The following ZNF557 variants were observed in gnomAD, a reference collection of about 807,000 sequenced individuals.
ZNF557 encodes zinc finger protein 557.
In ZNF557, 19 loss-of-function variants were observed where a neutral mutation model predicts 21.2. The ratio of observed to expected loss-of-function variants is 0.90; its 90% CI spans 0.63 to 1.32. The LOEUF is 1.32. ZNF557 is among the 40% of genes most tolerant of loss of function. The pLI is 0.00. For synonymous variants in ZNF557, 207 were observed against 194.8 expected (o/e 1.06, Z -0.52); for missense variants, 487 against 519.8 (o/e 0.94, Z 0.61).
intron 7 of ZNF557, 61 bp from the exon 8 acceptor site, chr19:7,082,817 T>G: frequency 6.7e-7 from 1 of 1,484,120 alleles, no homozygotes. Flanking sequence ...GAAATTCCTC[T>G]GACAGCATTC....
chr19:7,081,146 GT>G (rs1396506338), intron 5 of ZNF557, among the ~76,000 whole-genome samples: 3 of 143,622 alleles, frequency 2.1e-5, no homozygotes, highest in Non-Finnish European at 3.0e-5. Flanking sequence ...GATATTGCTT[GT>G]GGGGTGTGTG....
chr19:7,080,522 A>C (rs1284059907), intron 5 of ZNF557, among the ~76,000 whole-genome samples: 1 of 152,086 alleles, frequency 6.6e-6, no homozygotes, highest in African/African-American at 2.4e-5. Flanking sequence ...GAGAGTTTGG[A>C]GTTACACAAA....
rs1977590427 is a variant in ZNF557, at chr19:7,076,521, C to G, written c.247+14C>G. 1 of 1,607,272 alleles carries G rather than the reference C, an allele frequency of 6.2e-7. No homozygotes were observed. On this transcript the variant is annotated intron_variant, in intron 5 of 7. Coordinates refer to ENST00000252840, the MANE Select transcript of ZNF557 (RefSeq NM_024341.3). ...TGGCCTCACTGGGTAAGCCTAATGTCATTCCTGCATTTATTTAATGACTCA... is the reference window on the plus strand; with the variant it reads ...TGGCCTCACTGGGTAAGCCTAATGTGATTCCTGCATTTATTTAATGACTCA...
intron 7 of ZNF557, 112 bp from the exon 8 acceptor site, chr19:7,082,766 T>C (rs1977739273): frequency 8.9e-7 from 1 of 1,126,028 alleles, no homozygotes; most frequent in South Asian, 1.8e-5. Flanking sequence ...GCAAAAACAT[T>C]AATTCCAATA....
chr19:7,087,875 T>C lies in ZNF557; in HGVS notation c.*4131T>C, dbSNP rs893576326. 5.0e-5 allele frequency: 6 copies of C among 119,962 alleles called. No individual in the cohort carries two copies. The highest frequency in any genetic ancestry group is 2.7e-4 in the South Asian group (1 of 3,730). 7.4% of individuals were successfully genotyped at this position (119,962 alleles called of 1,614,324 possible). ...ACAGGATGGACATACGTACTCAAACTGTGTTTTTCAATTTGTACTGTATTT... is the reference window on the plus strand; with the variant it reads ...ACAGGATGGACATACGTACTCAAACCGTGTTTTTCAATTTGTACTGTATTT... On this transcript the variant is annotated 3_prime_UTR_variant, in exon 8 of 8. Transcript: ENST00000252840.
Position 7,075,691 on chromosome 19 carries a change from GAC to G in ZNF557, c.74_75del (p.Thr25ArgfsTer7). 2 of 1,613,770 alleles carry G rather than the reference GAC, an allele frequency of 1.2e-6. No homozygotes were observed. The highest frequency in any genetic ancestry group is 1.7e-6 in the Non-Finnish European group (2 of 1,179,740). ...CTGTTCCCAGCCTCTCAGCGAGAAG[GAC>G]ACACAGAGGGCGGAGAGCTGGTTAA... On this transcript the variant is annotated frameshift_variant, in exon 4 of 8. Coordinates refer to ENST00000252840, the MANE Select transcript of ZNF557 (RefSeq NM_024341.3). LOFTEE classifies it high-confidence loss of function.
chr19:7,071,414 CAT>C (rs1176651312), intron 2 of ZNF557, among the ~76,000 whole-genome samples: 2 of 152,288 alleles, frequency 1.3e-5, no homozygotes, highest in Non-Finnish European at 2.9e-5. Context: ...TTGACAGCGA[CAT>C]GTGGTTAATG....
intron 2 of ZNF557, among the ~76,000 whole-genome samples, chr19:7,073,260 C>T (rs1296125014): frequency 1.3e-5 from 2 of 150,156 alleles, no homozygotes; most frequent in African/African-American, 4.9e-5. Context: ...AAGCGATTCT[C>T]CTGCCTCATC....
intron 4 of ZNF557, among the ~76,000 whole-genome samples, 182 bp from the exon 5 acceptor site, chr19:7,076,199 G>A (rs1320846170): frequency 6.6e-6 from 1 of 152,148 alleles, no homozygotes; most frequent in South Asian, 2.1e-4. Flanking sequence ...AAGGAGACAA[G>A]CATTGAGGGC....
Position 7,087,461 on chromosome 19 carries a change from A to T in ZNF557, c.*3717A>T, listed in dbSNP as rs987646859. ...AGGCTGAGGCAGGAGAATTGCTTCA[A>T]ACTGGGCAGAGGTTGCAGTGAGCCA... is the stretch of plus-strand genomic sequence containing the variant. On this transcript the variant is annotated 3_prime_UTR_variant, in exon 8 of 8. Coordinates refer to ENST00000252840, the MANE Select transcript of ZNF557 (RefSeq NM_024341.3). The T allele has an allele frequency of 6.6e-6, 1 of 151,334 alleles. No homozygotes were observed. The allele number at this position is 151,334 out of a possible 1,614,324, so 9.4% of individuals were successfully genotyped here.
Position 7,082,904 on chromosome 19 carries a change from C to T in ZNF557, c.453C>T (p.Leu151=), listed in dbSNP as rs1383736933. The T allele has an allele frequency of 6.3e-7, 1 of 1,597,424 alleles. No individual in the cohort carries two copies. ...AGAGGAATCATCTTGGAGCAACACTCAACGAATGTAATCAGTGTTTTAAAG... is the reference window on the plus strand; with the variant it reads ...AGAGGAATCATCTTGGAGCAACACTTAACGAATGTAATCAGTGTTTTAAAG... ...KMERNHLGAT[L]NECNQCFKVF... Residue 151 remains leucine, a synonymous_variant, in exon 8 of 8, where the codon CTC becomes CTT. Coordinates refer to ENST00000252840, the MANE Select transcript of ZNF557 (RefSeq NM_024341.3).
intron 2 of ZNF557, among the ~76,000 whole-genome samples, chr19:7,071,732 G>A (rs947318476): frequency 8.5e-5 from 12 of 141,012 alleles, no homozygotes; most frequent in Admixed American, 7.1e-4. Context: ...CCTGGGAGGC[G>A]GAGACTGCAG....
chr19:7,080,305 T>C (rs8101341), intron 5 of ZNF557, among the ~76,000 whole-genome samples: 2 of 151,926 alleles, frequency 1.3e-5, no homozygotes, highest in Admixed American at 6.6e-5. Context: ...CTCCATCTTG[T>C]GGGGGAAAAG....
intron 5 of ZNF557, among the ~76,000 whole-genome samples, chr19:7,079,295 G>A (rs1977646283): frequency 7.2e-6 from 1 of 139,744 alleles, no homozygotes; most frequent in Admixed American, 7.7e-5. Context: ...AGGCTGGAGT[G>A]CAGTGGTGCA....
At chr19:7,070,514 C>CT (rs1450210239) in intron 1 of ZNF557, 48 bp from the exon 2 acceptor site, 1 of 152,152 alleles carries the variant, frequency 6.6e-6, no homozygotes, top group Non-Finnish European at 1.5e-5. Context: ...GTACATATTA[C>CT]TCCCTACAAA....
rs1977704275 is a variant in ZNF557 at position 7,081,456 on chromosome 19, G to A, written c.343+1G>A. The A allele has an allele frequency of 6.2e-7, 1 of 1,607,356 alleles. No individual in the cohort carries two copies. Among genetic ancestry groups the A allele is most frequent in the Non-Finnish European group, 8.5e-7 (1 of 1,174,474 alleles). ...GGAATTCTCTCAGGTACCTGTCCAGGTGAGCACCAGGTGGATATAAGTCCT... is the reference window on the plus strand; with the variant it reads ...GGAATTCTCTCAGGTACCTGTCCAGATGAGCACCAGGTGGATATAAGTCCT... On this transcript the variant is annotated splice_donor_variant, in intron 6 of 7. Transcript: ENST00000252840. LOFTEE classifies it high-confidence loss of function.
intron 5 of ZNF557, among the ~76,000 whole-genome samples, chr19:7,076,997 C>T (rs916752490): frequency 6.6e-6 from 1 of 152,090 alleles, no homozygotes; most frequent in African/African-American, 2.4e-5. Context: ...ATCCTCCTGC[C>T]TTAGCTTCCC....
At position 7,077,776 on chromosome 19, in the gene ZNF557, A is replaced by G. The variant is rs1977617302; in HGVS notation, c.247+1269A>G. On this transcript the variant is annotated intron_variant, in intron 5 of 7. Coordinates refer to ENST00000252840, the MANE Select transcript of ZNF557 (RefSeq NM_024341.3). ...CCTACCAGCAGTGCATGAGACCAGC[A>G]ACGTATTAGTTTCTCTGCATCCTTA... is the stretch of plus-strand genomic sequence containing the variant. Among the ~76,000 whole-genome samples the G allele has an allele frequency of 3.9e-5, 6 of 152,302 alleles. No homozygotes were observed. The South Asian group carries it at 1.2e-3, about 32-fold the overall frequency.
Position 7,082,236 on chromosome 19 carries a change from C to T in ZNF557, c.426+184C>T, listed in dbSNP as rs79548909. ...GAGTTGGAGACCAGCCTGGCCAATA[C>T]GGTGAAACCCCATCTCTACTAAAAA... On this transcript the variant is annotated intron_variant, in intron 7 of 7. Transcript: ENST00000252840. Among the ~76,000 whole-genome samples the T allele has an allele frequency of 4.7e-4, 71 of 151,692 alleles. No individual in the cohort carries two copies. In the East Asian group the frequency reaches 9.3e-3, roughly 20 times the overall value.
Sources: gnomAD v4.1 joint callset for allele counts (sites outside exome capture counted in the v4.1 genomes callset) on GRCh38, gnomAD v4.1.1 for gene constraint, MANE v1.5 for transcripts, NCBI Gene and HGNC (gene_info 2026-07-23, HGNC 2026-07-21) for gene names.